Variants in ZNF737 observed in about 807,000 individuals in gnomAD.
ZNF737 encodes the protein zinc finger protein 102 (Y3).
A neutral mutation model predicts 11.7 loss-of-function variants in ZNF737; 13 were observed. The ratio of observed to expected loss-of-function variants is 1.11; its 90% CI spans 0.73 to 1.77. The LOEUF (loss-of-function observed/expected upper bound fraction) is 1.77, where lower values mean the gene tolerates loss of function less well. Among genes scored for constraint, ZNF737 ranks in the 40% most tolerant of loss-of-function variants. The probability of loss-of-function intolerance (pLI) is 0.00; values close to 1 mark genes in which losing one functional copy is unlikely to be tolerated. For synonymous variants in ZNF737, 217 were observed against 216.2 expected, an observed-to-expected ratio of 1.00 and a Z score of -0.03; for missense variants, 636 against 638.0, an observed-to-expected ratio of 1.00 and a Z score of 0.03.
downstream of ZNF737, among the ~76,000 whole-genome samples, chr19:20,536,624 A>G (rs1232459316): frequency 3.9e-5 from 6 of 152,150 alleles, no homozygotes; most frequent in African/African-American, 1.4e-4. Flanking sequence ...CCTGGCCAAT[A>G]TGGTGAAACA....
At chr19:20,532,972 C>T (rs1385825692), downstream of ZNF737, among the ~76,000 whole-genome samples, 1 of 150,060 alleles carries the variant, frequency 6.7e-6, no homozygotes, top group Non-Finnish European at 1.5e-5. Flanking sequence ...TGTGATTTTA[C>T]ATCACACACT....
chr19:20,544,527 T>C lies in ZNF737; in HGVS notation c.*65A>G, dbSNP rs1360789569. 1.0e-5 allele frequency: 16 copies of C among 1,542,760 alleles called. No homozygotes were observed. The East Asian group carries it at 3.7e-4, about 35-fold the overall frequency. On this transcript the variant is annotated 3_prime_UTR_variant, in exon 4 of 4. Coordinates refer to ENST00000427401, the MANE Select transcript of ZNF737 (RefSeq NM_001159293.2). ...TCACACTTGTACAGTTTCCCTCCAA[T>C]ATGAATTTTCTTATGTGAAAAAAGC... is the stretch of plus-strand genomic sequence containing the variant.
At chr19:20,547,504 A>G (rs782760274) in intron 3 of ZNF737, among the ~76,000 whole-genome samples, 1 of 152,322 alleles carries the variant, frequency 6.6e-6, no homozygotes, top group East Asian at 1.9e-4. Flanking sequence ...ATATGATCAG[A>G]TGATCTTCCA....
chr19:20,546,126 G>T, intron 3 of ZNF737, 150 bp from the exon 4 acceptor site: 1 of 1,122,210 alleles, frequency 8.9e-7, no homozygotes, highest in Non-Finnish European at 1.2e-6. Context: ...ATACATAAAT[G>T]TAACAAAAGT....
chr19:20,564,659 A>T (rs1380939775), intron 1 of ZNF737, among the ~76,000 whole-genome samples: 2 of 151,964 alleles, frequency 1.3e-5, no homozygotes, highest in Admixed American at 6.6e-5. Context: ...TCAAAAAAAA[A>T]AAAATAAAAA....
downstream of ZNF737, chr19:20,535,851 G>A (rs1274875842): frequency 5.9e-5 from 7 of 118,846 alleles, no homozygotes; most frequent in African/African-American, 2.3e-4. Context: ...TCTATGTAAA[G>A]TGTAAAAAAA....
chr19:20,557,041 GAGAT>G (rs1216225298), intron 1 of ZNF737, among the ~76,000 whole-genome samples: 4 of 152,204 alleles, frequency 2.6e-5, no homozygotes, highest in African/African-American at 9.6e-5. Context: ...CCAGATGAAA[GAGAT>G]AGAAAGAAAG....
chr19:20,564,410 C>T (rs1555763257), intron 1 of ZNF737, among the ~76,000 whole-genome samples: 1 of 152,094 alleles, frequency 6.6e-6, no homozygotes, highest in Non-Finnish European at 1.5e-5. Context: ...TGTCTACAGC[C>T]AAAATGGAAG....
intron 2 of ZNF737, among the ~76,000 whole-genome samples, 170 bp from the exon 3 acceptor site, chr19:20,552,740 G>A (rs1311117097): frequency 1.3e-5 from 2 of 151,904 alleles, no homozygotes; most frequent in Non-Finnish European, 2.9e-5. Flanking sequence ...TTTGCCAGGT[G>A]CAGTTACTCA....
chr19:20,565,189 C>A (rs558903292), intron 1 of ZNF737, among the ~76,000 whole-genome samples: 1 of 152,310 alleles, frequency 6.6e-6, no homozygotes, highest in South Asian at 2.1e-4. Flanking sequence ...CCTGCCTCGG[C>A]CTCCCAAAGT....
At chr19:20,557,647 C>T (rs1369292344) in intron 1 of ZNF737, among the ~76,000 whole-genome samples, 4 of 148,196 alleles carry the variant, frequency 2.7e-5, no homozygotes, top group Non-Finnish European at 5.9e-5. Context: ...GATGCAGTCT[C>T]CCTCTGTCAC....
intron 1 of ZNF737, among the ~76,000 whole-genome samples, chr19:20,556,584 C>T (rs1968896923): frequency 6.6e-6 from 1 of 152,040 alleles, no homozygotes; most frequent in Non-Finnish European, 1.5e-5. Flanking sequence ...GATGTTGCTC[C>T]CCATTGGCTC....
chr19:20,530,391 A>G, the ZNF737 span, among the ~76,000 whole-genome samples: 43,650 of 135,984 alleles, frequency 0.32, 9,675 homozygotes, highest in African/African-American at 0.53. Flanking sequence ...GGACGGGGCG[A>G]CTGGCCTGAC....
In ZNF737 at chr19:20,552,496, C is replaced by A. The variant is rs1555758786; in HGVS notation, c.205G>T (p.Glu69Ter). The A allele has an allele frequency of 6.3e-7, 1 of 1,594,674 alleles. No individual in the cohort carries two copies. The highest frequency in any genetic ancestry group is 8.5e-7 in the Non-Finnish European group (1 of 1,173,270). Residue 69 changes from glutamate (E) to a stop codon, truncating the protein, a stop_gained, in exon 3 of 4, where the codon GAG (glutamate) becomes TAG (stop). Coordinates refer to ENST00000427401, the MANE Select transcript of ZNF737 (RefSeq NM_001159293.2). LOFTEE classifies it low-confidence loss of function (END_TRUNC). ...GKKPLTMKKH[E>*]MVANPSVTCS... Reference sequence around the variant, plus strand: ...CTACCTGAGGGGTTGGCTACCATCTCATGTTTCTTCATGGTCAAAGGTTTT... The same window carrying A: ...CTACCTGAGGGGTTGGCTACCATCTAATGTTTCTTCATGGTCAAAGGTTTT...
intron 1 of ZNF737, among the ~76,000 whole-genome samples, chr19:20,556,915 G>C (rs1968910429): frequency 6.6e-6 from 1 of 152,166 alleles, no homozygotes; most frequent in African/African-American, 2.4e-5. Flanking sequence ...CGGGGAGCTG[G>C]TACTAAGGGT....
chr19:20,550,121 A>AAATAT (rs1264261371), intron 3 of ZNF737, among the ~76,000 whole-genome samples: 1 of 152,164 alleles, frequency 6.6e-6, no homozygotes, highest in African/African-American at 2.4e-5. Context: ...AGTTCCTTTT[A>AAATAT]ATGTCTTAAA....
intron 3 of ZNF737, 106 bp from the exon 4 acceptor site, chr19:20,546,082 C>G: frequency 7.7e-7 from 1 of 1,303,908 alleles, no homozygotes; most frequent in Non-Finnish European, 1.0e-6. Context: ...CAAGATGACA[C>G]AGCAAAATAC....
intron 3 of ZNF737, 66 bp from the exon 4 acceptor site, chr19:20,546,042 T>G: frequency 3.4e-6 from 5 of 1,473,742 alleles, no homozygotes; most frequent in Non-Finnish European, 4.5e-6. Context: ...TTTACAGATC[T>G]AACCTATATA....
chr19:20,561,273 G>A (rs184063113), intron 1 of ZNF737, among the ~76,000 whole-genome samples: 29 of 152,256 alleles, frequency 1.9e-4, no homozygotes, highest in African/African-American at 5.8e-4. Flanking sequence ...GTGGGGATAC[G>A]CCAGGAGACT....
Sources: allele counts gnomAD v4.1 joint callset (sites outside exome capture counted in the v4.1 genomes callset), GRCh38; gene constraint gnomAD v4.1.1; transcripts MANE v1.5; gene names NCBI Gene and HGNC (gene_info 2026-07-23, HGNC 2026-07-21).